FSTL5: variants seen among roughly 807,000 people sequenced by gnomAD.
FSTL5 encodes follistatin like 5.
In FSTL5, 62 loss-of-function variants were observed where a neutral mutation model predicts 89.1. That is an observed-to-expected ratio of 0.70 (90% confidence interval 0.57 to 0.86). FSTL5 has a LOEUF of 0.86. Among genes scored for constraint, FSTL5 ranks in the 40% least tolerant of loss-of-function variants. FSTL5 has a pLI of 0.00. For synonymous variants in FSTL5, 383 were observed against 346.2 expected (o/e 1.11, Z -1.18); for missense variants, 1,057 against 1,001.6 (o/e 1.06, Z -0.75).
chr4:162,017,182 G>A (rs1365356911), intron 3 of FSTL5, among the ~76,000 whole-genome samples: 2 of 152,156 alleles, frequency 1.3e-5, no homozygotes, highest in African/African-American at 4.8e-5. Flanking sequence ...CTGTAATTAT[G>A]ATCATCGGAC....
rs1649457924 is a variant in FSTL5, at chr4:161,515,661, A to C, written c.1313-5237T>G. On this transcript the variant is annotated intron_variant, in intron 10 of 15. Coordinates refer to ENST00000306100, the MANE Select transcript of FSTL5 (RefSeq NM_020116.5). Reference sequence around the variant, plus strand: ...AATATAGTCTTTATACATGGTTTCAAATACTGTTTCATCATATGAATTTCT... The same window carrying C: ...AATATAGTCTTTATACATGGTTTCACATACTGTTTCATCATATGAATTTCT... Among the ~76,000 whole-genome samples, 12 of 151,828 alleles carry C rather than the reference A, an allele frequency of 7.9e-5. No individual in the cohort carries two copies. In the South Asian group the frequency reaches 2.5e-3, roughly 32 times the overall value.
intron 15 of FSTL5, among the ~76,000 whole-genome samples, chr4:161,395,081 C>T (rs1283905269): frequency 6.6e-6 from 1 of 151,890 alleles, no homozygotes; most frequent in Non-Finnish European, 1.5e-5. Flanking sequence ...TTCTAAAAAC[C>T]TGAGAGTGAA....
At chr4:161,558,074 T>G (rs1201474001) in intron 8 of FSTL5, among the ~76,000 whole-genome samples, 1 of 151,908 alleles carries the variant, frequency 6.6e-6, no homozygotes, top group Non-Finnish European at 1.5e-5. Flanking sequence ...GAACTGTGGA[T>G]ATTTGCAACA....
chr4:161,732,987 G>C (rs1739669323), intron 6 of FSTL5, among the ~76,000 whole-genome samples: 1 of 149,608 alleles, frequency 6.7e-6, no homozygotes, highest in South Asian at 2.1e-4. Context: ...TTATTTCCAT[G>C]TAATTTTATA....
chr4:161,423,549 A>G (rs1458511148), intron 15 of FSTL5, among the ~76,000 whole-genome samples: 2 of 151,948 alleles, frequency 1.3e-5, no homozygotes, highest in Non-Finnish European at 2.9e-5. Context: ...TTTTGGCATG[A>G]TAGCTCACTA....
chr4:162,051,719 T>C (rs1738383634), intron 2 of FSTL5, among the ~76,000 whole-genome samples: 1 of 151,494 alleles, frequency 6.6e-6, no homozygotes, highest in Non-Finnish European at 1.5e-5. Context: ...AACTAAATAA[T>C]ATTATTCAAT....
chr4:161,641,869 T>C lies in FSTL5; in HGVS notation c.894+14459A>G, dbSNP rs976196568. Among the ~76,000 whole-genome samples the C allele has an allele frequency of 2.0e-5, 3 of 151,872 alleles. No homozygotes were observed. In the East Asian group the frequency reaches 5.8e-4, roughly 29 times the overall value. The stretch of plus-strand genomic sequence containing the variant: ...AAGGAAATAGTACTGATTATATATA[T>C]AAGAAAATGAAAAAATAATTTAAAC... On this transcript the variant is annotated intron_variant, in intron 7 of 15. Coordinates refer to ENST00000306100, the MANE Select transcript of FSTL5 (RefSeq NM_020116.5).
At chr4:161,776,331 C>T (rs1197884806) in intron 4 of FSTL5, among the ~76,000 whole-genome samples, 1 of 151,902 alleles carries the variant, frequency 6.6e-6, no homozygotes, top group African/African-American at 2.4e-5. Context: ...GATGCTGTAA[C>T]GGACATAGAA....
At chr4:161,977,194 C>T (rs1240884563) in intron 3 of FSTL5, among the ~76,000 whole-genome samples, 1 of 152,164 alleles carries the variant, frequency 6.6e-6, no homozygotes, top group Non-Finnish European at 1.5e-5. Context: ...CTGCAAATGT[C>T]ATCTACCATG....
chr4:161,535,080 GT>G (rs1409334061), intron 10 of FSTL5, among the ~76,000 whole-genome samples: 1 of 152,060 alleles, frequency 6.6e-6, no homozygotes, highest in Non-Finnish European at 1.5e-5. Context: ...CTCAAGATGG[GT>G]TAAAGATTTC....
chr4:161,581,036 C>T (rs1185676493), intron 8 of FSTL5, among the ~76,000 whole-genome samples: 1 of 152,010 alleles, frequency 6.6e-6, no homozygotes, highest in African/African-American at 2.4e-5. Context: ...AAGAGCCAAT[C>T]TCCTAGATGA....
chr4:161,587,777 T>C (rs1032014058), intron 7 of FSTL5, among the ~76,000 whole-genome samples: 1 of 152,220 alleles, frequency 6.6e-6, no homozygotes, highest in Non-Finnish European at 1.5e-5. Context: ...AAAAGCATCA[T>C]ATCACTCATA....
At chr4:161,880,120 G>C (rs1732579811) in intron 4 of FSTL5, among the ~76,000 whole-genome samples, 1 of 151,972 alleles carries the variant, frequency 6.6e-6, no homozygotes, top group African/African-American at 2.4e-5. Flanking sequence ...GGTATATTTG[G>C]CTAGGTGTGG....
At chr4:162,042,099 G>T (rs192866050) in intron 2 of FSTL5, 1 of 151,680 alleles carries the variant, frequency 6.6e-6, no homozygotes, top group South Asian at 2.1e-4. Flanking sequence ...TTGGTGAGCC[G>T]AGATCACGCC....
At chr4:161,683,052 C>A (rs1737582152) in intron 6 of FSTL5, among the ~76,000 whole-genome samples, 1 of 152,006 alleles carries the variant, frequency 6.6e-6, no homozygotes, top group Non-Finnish European at 1.5e-5. Flanking sequence ...GCCAACTTTT[C>A]TTTTTTAATA....
intron 1 of FSTL5, among the ~76,000 whole-genome samples, chr4:162,156,040 T>C (rs1362296851): frequency 6.6e-6 from 1 of 152,158 alleles, no homozygotes; most frequent in Non-Finnish European, 1.5e-5. Flanking sequence ...GAGTAGGATC[T>C]GATCATGCAG....
At chr4:162,036,369 ACT>A (rs1737741271) in intron 2 of FSTL5, among the ~76,000 whole-genome samples, 1 of 151,896 alleles carries the variant, frequency 6.6e-6, no homozygotes, top group African/African-American at 2.4e-5. Context: ...ACCCTGTGTT[ACT>A]CTGTCTCTTG....
chr4:161,677,080 A>G (rs566828756), intron 6 of FSTL5, among the ~76,000 whole-genome samples: 2 of 152,170 alleles, frequency 1.3e-5, no homozygotes, highest in East Asian at 1.9e-4. Flanking sequence ...ATATTAAAAC[A>G]TCTCTTAAAT....
At chr4:161,734,548 C>T (rs751890039) in intron 6 of FSTL5, among the ~76,000 whole-genome samples, 9 of 152,216 alleles carry the variant, frequency 5.9e-5, no homozygotes, top group African/African-American at 9.6e-5. Flanking sequence ...AAAATTTTTG[C>T]AATCTCTGAT....
Sources: gnomAD v4.1 joint callset for allele counts (sites outside exome capture counted in the v4.1 genomes callset) on GRCh38, gnomAD v4.1.1 for gene constraint, MANE v1.5 for transcripts, NCBI Gene and HGNC (gene_info 2026-07-23, HGNC 2026-07-21) for gene names.